Variants in VAMP7 observed in about 807,000 individuals in gnomAD.
VAMP7 encodes vesicle-associated membrane protein 7.
VAMP7 carries 14 observed loss-of-function variants against 29.6 expected under a neutral mutation model. The observed-to-expected ratio is 0.47, with a 90% CI of 0.31 to 0.74. The LOEUF (loss-of-function observed/expected upper bound fraction) is 0.74. VAMP7 is among the 30% of genes least tolerant of loss of function. VAMP7 has a pLI of 0.05. For synonymous variants in VAMP7, 95 were observed against 88.1 expected (o/e 1.08, Z -0.44); for missense variants, 223 against 262.4 (o/e 0.85, Z 1.04).
chrX:155,939,648 A>C, intron 6 of VAMP7, 53 bp from the exon 7 acceptor site: 1 of 1,295,676 alleles, frequency 7.7e-7, no homozygotes, highest in Non-Finnish European at 1.1e-6. Flanking sequence ...TGTTACTGCA[A>C]ATCATTCATG....
chrX:155,909,841 T>C (rs1288664108), intron 5 of VAMP7, among the ~76,000 whole-genome samples: 6 of 152,132 alleles, frequency 3.9e-5, no homozygotes, highest in Non-Finnish European at 1.5e-5. Context: ...TTGTACACAT[T>C]TATGGGGTAC....
At chrX:155,932,546 G>T (rs919148578) in intron 6 of VAMP7, among the ~76,000 whole-genome samples, 8 of 152,268 alleles carry the variant, frequency 5.3e-5, no homozygotes, top group African/African-American at 1.9e-4. Flanking sequence ...TGTGATTTTT[G>T]CACGTTGATT....
At chrX:155,898,425 A>G (rs1395324072) in intron 4 of VAMP7, among the ~76,000 whole-genome samples, 176 bp downstream of exon 4, 1 of 152,062 alleles carries the variant, frequency 6.6e-6, no homozygotes, top group Non-Finnish European at 1.5e-5. Context: ...TTTAGGGTAG[A>G]AAACAGTGAT....
At chrX:155,941,823 T>C in intron 7 of VAMP7, 60 bp from the exon 8 acceptor site, 1 of 1,539,122 alleles carries the variant, frequency 6.5e-7, no homozygotes, top group Non-Finnish European at 8.8e-7. Context: ...TTCCTATATA[T>C]ATTATTTAGA....
In VAMP7 at chrX:155,898,151, A is replaced by G. The variant is rs1054487918; in HGVS notation, c.244A>G (p.Ile82Val). 1 of 1,613,548 alleles carries G rather than the reference A, an allele frequency of 6.2e-7. No individual in the cohort carries two copies. The highest frequency in any genetic ancestry group is 1.7e-4 in the Middle Eastern group (1 of 6,054). Residue 82 changes from isoleucine (I) to valine (V), a missense_variant, in exon 4 of 8, where the codon ATA (isoleucine) becomes GTA (valine). Physicochemically the swap from Ile to Val is conservative, Grantham distance 29 (BLOSUM62 3). Transcript: ENST00000286448. ...RSRAFNFLNE[I>V]KKRFQTTYGS... is the part of the protein sequence containing the mutation. The stretch of plus-strand genomic sequence containing the variant: ...CCGAGCCTTTAATTTTCTGAATGAG[A>G]TAAAGAAGAGGTTCCAGACTACTTA...
chrX:155,883,148 A>C (rs1296571248), intron 1 of VAMP7, among the ~76,000 whole-genome samples: 1 of 152,226 alleles, frequency 6.6e-6, no homozygotes, highest in East Asian at 1.9e-4. Context: ...GTCATATAGT[A>C]ACCCACCAGT....
intron 5 of VAMP7, among the ~76,000 whole-genome samples, chrX:155,916,398 A>C (rs1342421352): frequency 1.3e-5 from 2 of 152,178 alleles, no homozygotes; most frequent in African/African-American, 4.8e-5. Flanking sequence ...TCCTGTGATT[A>C]TAATGCTAGT....
chrX:155,932,572 G>T (rs1326612437), intron 6 of VAMP7, among the ~76,000 whole-genome samples: 1 of 152,142 alleles, frequency 6.6e-6, no homozygotes, highest in Non-Finnish European at 1.5e-5. Context: ...TCAAGACTTT[G>T]CTGGAGTTGC....
At chrX:155,927,435 G>A (rs1165856184) in intron 6 of VAMP7, among the ~76,000 whole-genome samples, 5 of 143,972 alleles carry the variant, frequency 3.5e-5, no homozygotes, top group South Asian at 4.4e-4. Flanking sequence ...CCAGAAAAAT[G>A]GTGCTGATAG....
At chrX:155,894,485 CTT>C (rs1287018935) in intron 2 of VAMP7, among the ~76,000 whole-genome samples, 1 of 151,946 alleles carries the variant, frequency 6.6e-6, no homozygotes, top group Non-Finnish European at 1.5e-5. Flanking sequence ...AGATAATTCA[CTT>C]TTTCTTCACA....
intron 5 of VAMP7, among the ~76,000 whole-genome samples, chrX:155,918,172 T>C (rs2066340040): frequency 6.6e-6 from 1 of 151,976 alleles, no homozygotes; most frequent in Non-Finnish European, 1.5e-5. Flanking sequence ...CAAGCTCGAG[T>C]GTCCCAGGTC....
At chrX:155,902,185 A>G (rs1209200560) in intron 5 of VAMP7, among the ~76,000 whole-genome samples, 1 of 151,986 alleles carries the variant, frequency 6.6e-6, no homozygotes, top group Non-Finnish European at 1.5e-5. Flanking sequence ...TTATTGGTGT[A>G]TAAGAATGCT....
At chrX:155,941,490 T>C (rs920597335) in intron 7 of VAMP7, among the ~76,000 whole-genome samples, 8 of 152,134 alleles carry the variant, frequency 5.3e-5, no homozygotes, top group African/African-American at 1.7e-4. Flanking sequence ...ATAAAATTCA[T>C]GTGCAAAACC....
intron 5 of VAMP7, among the ~76,000 whole-genome samples, chrX:155,905,039 C>A (rs1246270220): frequency 1.3e-5 from 2 of 151,690 alleles, no homozygotes; most frequent in African/African-American, 4.8e-5. Flanking sequence ...TTTATACATT[C>A]CTAATAGCAA....
chrX:155,926,521 C>G (rs2066469419), intron 6 of VAMP7, among the ~76,000 whole-genome samples: 2 of 152,232 alleles, frequency 1.3e-5, no homozygotes, highest in South Asian at 4.1e-4. Context: ...GGGCCTTGCT[C>G]TGTATTAGGC....
At chrX:155,932,396 T>G (rs929116519) in intron 6 of VAMP7, among the ~76,000 whole-genome samples, 1 of 152,202 alleles carries the variant, frequency 6.6e-6, no homozygotes, top group Non-Finnish European at 1.5e-5. Context: ...AACAGTAGTT[T>G]GTAGTTCTCC....
Position 155,918,867 on chromosome X carries a change from TG to T in VAMP7, c.434-944del, listed in dbSNP as rs2066352797. ...TGGCTTTTATTCTCTATTCTATTGA[TG>T]GAATGTTTCATGTTTATTGATTTGC... On this transcript the variant is annotated intron_variant, in intron 5 of 7. Coordinates refer to ENST00000286448, the MANE Select transcript of VAMP7 (RefSeq NM_005638.6). 1.4e-4 allele frequency among the ~76,000 whole-genome samples: 22 copies of T among 152,312 alleles called. No homozygotes were observed. In the South Asian group the frequency reaches 4.6e-3, roughly 32 times the overall value.
At chrX:155,890,251 G>A (rs2065911482) in intron 2 of VAMP7, among the ~76,000 whole-genome samples, 2 of 152,290 alleles carry the variant, frequency 1.3e-5, no homozygotes, top group African/African-American at 4.8e-5. Context: ...GAAAAGTCAT[G>A]TAGGGCCTTG....
At chrX:155,925,859 A>T (rs2066459587) in intron 6 of VAMP7, among the ~76,000 whole-genome samples, 1 of 152,124 alleles carries the variant, frequency 6.6e-6, no homozygotes, top group Non-Finnish European at 1.5e-5. Flanking sequence ...AGTGATTTGG[A>T]GGCCCCAAGA....
Sources: gnomAD v4.1 joint callset for allele counts (sites outside exome capture counted in the v4.1 genomes callset) on GRCh38, gnomAD v4.1.1 for gene constraint, MANE v1.5 for transcripts, NCBI Gene and HGNC (gene_info 2026-07-23, HGNC 2026-07-21) for gene names.